Variants in DOK5 observed in about 807,000 individuals in gnomAD.
The protein encoded by DOK5 is docking protein 5.
A neutral mutation model predicts 43.3 loss-of-function variants in DOK5; 27 were observed. The ratio of observed to expected loss-of-function variants is 0.62; its 90% CI spans 0.46 to 0.86. DOK5 has a LOEUF of 0.86. Ranked by LOEUF, DOK5 falls within the 40% of genes least tolerant of loss-of-function variation. The pLI is 0.00. For synonymous variants in DOK5, 146 were observed against 140.1 expected (o/e 1.04, Z -0.30); for missense variants, 373 against 392.9 (o/e 0.95, Z 0.43).
At chr20:54,624,486 G>C (rs2146809219) in intron 6 of DOK5, among the ~76,000 whole-genome samples, 1 of 152,198 alleles carries the variant, frequency 6.6e-6, no homozygotes, top group East Asian at 1.9e-4. Context: ...AACAAAATAG[G>C]GATCAAATAA....
intron 1 of DOK5, among the ~76,000 whole-genome samples, chr20:54,510,743 C>T (rs1982985280): frequency 6.6e-6 from 1 of 152,122 alleles, no homozygotes; most frequent in Admixed American, 6.5e-5. Context: ...GGCTGCCTGG[C>T]CTTGTGTGCT....
intron 2 of DOK5, among the ~76,000 whole-genome samples, chr20:54,579,436 A>G (rs1047061142): frequency 6.6e-6 from 1 of 151,992 alleles, no homozygotes; most frequent in Non-Finnish European, 1.5e-5. Flanking sequence ...CCACTTAACA[A>G]ACTCTTAAGT....
intron 1 of DOK5, 95 bp from the exon 2 acceptor site, chr20:54,554,838 A>C (rs749278849): frequency 2.5e-6 from 2 of 791,016 alleles, no homozygotes; most frequent in Non-Finnish European, 4.1e-6. Flanking sequence ...TCTGGCTTGC[A>C]AATATTTCAC....
intron 1 of DOK5, among the ~76,000 whole-genome samples, chr20:54,539,750 T>A (rs1260658039): frequency 6.6e-6 from 1 of 152,078 alleles, no homozygotes; most frequent in African/African-American, 2.4e-5. Flanking sequence ...AACCCAGCCA[T>A]GATTAATGAA....
intron 1 of DOK5, among the ~76,000 whole-genome samples, chr20:54,483,395 C>T (rs903831119): frequency 6.6e-5 from 10 of 152,042 alleles, no homozygotes; most frequent in Non-Finnish European, 1.2e-4. Flanking sequence ...TCTTGAGTAC[C>T]TATTAGTGTT....
At chr20:54,644,339 A>G (rs1429870169) in intron 7 of DOK5, among the ~76,000 whole-genome samples, 15 of 151,950 alleles carry the variant, frequency 9.9e-5, no homozygotes. Flanking sequence ...TGGGAGGCCA[A>G]GGCGGTCAGA....
rs891280784 is a variant in DOK5 at position 54,523,320 on chromosome 20, A to G, written c.67-31613A>G. ...GGTGGCTCAAGCCTGTAATCCCAGC[A>G]CTTTGGGAGGCCAAGGTGGGTAGAT... On this transcript the variant is annotated intron_variant, in intron 1 of 7. Coordinates refer to ENST00000262593, the MANE Select transcript of DOK5 (RefSeq NM_018431.5). 3.9e-5 allele frequency among the ~76,000 whole-genome samples: 6 copies of G among 152,156 alleles called. No individual in the cohort carries two copies. In the East Asian group the frequency reaches 1.2e-3, roughly 30 times the overall value.
chr20:54,493,588 A>G (rs1982279846), intron 1 of DOK5, among the ~76,000 whole-genome samples: 1 of 152,214 alleles, frequency 6.6e-6, no homozygotes, highest in Non-Finnish European at 1.5e-5. Context: ...GCCACATTTT[A>G]AGTGATAAAT....
intron 1 of DOK5, among the ~76,000 whole-genome samples, chr20:54,478,706 C>T (rs755377022): frequency 6.6e-6 from 1 of 152,134 alleles, no homozygotes; most frequent in Non-Finnish European, 1.5e-5. Context: ...GCTTGTTGAC[C>T]TTTGACCTTT....
intron 1 of DOK5, among the ~76,000 whole-genome samples, chr20:54,491,299 T>C (rs1347448515): frequency 1.3e-5 from 2 of 152,200 alleles, no homozygotes; most frequent in African/African-American, 4.8e-5. Context: ...AATATTTAAG[T>C]GAATAATTGA....
chr20:54,492,695 T>A (rs1193124751), intron 1 of DOK5, among the ~76,000 whole-genome samples: 2 of 150,882 alleles, frequency 1.3e-5, no homozygotes, highest in East Asian at 3.9e-4. Flanking sequence ...TTTGTGTGTG[T>A]GTGTGTGTGT....
At chr20:54,531,601 TC>T (rs1406370368) in intron 1 of DOK5, among the ~76,000 whole-genome samples, 4 of 152,206 alleles carry the variant, frequency 2.6e-5, no homozygotes, top group Non-Finnish European at 5.9e-5. Flanking sequence ...GGAGACAAAG[TC>T]TTGGGGAAGT....
intron 2 of DOK5, among the ~76,000 whole-genome samples, chr20:54,578,351 C>T (rs149885308): frequency 7.3e-4 from 111 of 152,222 alleles, no homozygotes; most frequent in African/African-American, 2.6e-3. Context: ...CACTTCCGGT[C>T]TTCTTTGATA....
At chr20:54,594,988 C>G (rs1342276001) in intron 5 of DOK5, among the ~76,000 whole-genome samples, 2 of 152,052 alleles carry the variant, frequency 1.3e-5, no homozygotes, top group Non-Finnish European at 2.9e-5. Context: ...GTTTGAGTCT[C>G]TGTGTGTGTA....
At chr20:54,577,021 GATT>G (rs1985473228) in intron 2 of DOK5, among the ~76,000 whole-genome samples, 1 of 152,132 alleles carries the variant, frequency 6.6e-6, no homozygotes, top group Non-Finnish European at 1.5e-5. Context: ...GCCTGTCAGG[GATT>G]CATTCATATG....
At chr20:54,559,432 T>G (rs1197570110) in intron 2 of DOK5, among the ~76,000 whole-genome samples, 1 of 152,170 alleles carries the variant, frequency 6.6e-6, no homozygotes, top group Non-Finnish European at 1.5e-5. Context: ...TGTGGCTGAG[T>G]CTGCAGGGAT....
intron 1 of DOK5, among the ~76,000 whole-genome samples, chr20:54,537,893 C>T (rs1354730831): frequency 2.2e-5 from 3 of 135,620 alleles, no homozygotes; most frequent in Non-Finnish European, 4.5e-5. Context: ...GGCTGGAGTG[C>T]AGTGGCACAA....
intron 6 of DOK5, among the ~76,000 whole-genome samples, chr20:54,642,549 C>CAAAA (rs66463305): frequency 5.2e-5 from 5 of 96,362 alleles, no homozygotes; most frequent in African/African-American, 1.7e-4. Context: ...ACTAAAAATA[C>CAAAA]AAAAAAAAAA....
chr20:54,505,169 A>T lies in DOK5; in HGVS notation c.66+29157A>T, dbSNP rs151112604. Among the ~76,000 whole-genome samples, 449 of 152,262 alleles carry T rather than the reference A, an allele frequency of 2.9e-3. 3 individuals are homozygous for T. The highest frequency in any genetic ancestry group is 9.8e-3 in the African/African-American group (409 of 41,550). Reference sequence around the variant, plus strand: ...CAAGTCCCTGCAATGTAGGGATATTATAGGCTCCAAATCACTGGGTAGTTG... The same window carrying T: ...CAAGTCCCTGCAATGTAGGGATATTTTAGGCTCCAAATCACTGGGTAGTTG... On this transcript the variant is annotated intron_variant, in intron 1 of 7. Coordinates refer to ENST00000262593, the MANE Select transcript of DOK5 (RefSeq NM_018431.5).
Sources: gnomAD v4.1 joint callset for allele counts (sites outside exome capture counted in the v4.1 genomes callset) on GRCh38, gnomAD v4.1.1 for gene constraint, MANE v1.5 for transcripts, NCBI Gene and HGNC (gene_info 2026-07-23, HGNC 2026-07-21) for gene names.